SDAD1: variants seen among roughly 807,000 people sequenced by gnomAD.
SDAD1 encodes the protein SDA1 domain containing 1.
Under a neutral mutation model 100.3 loss-of-function variants are expected in SDAD1, and 79 were observed. That is an observed-to-expected ratio of 0.79 (90% CI 0.66 to 0.95). The LOEUF (loss-of-function observed/expected upper bound fraction) is 0.95. Among genes scored for constraint, SDAD1 ranks in the 40% least tolerant of loss-of-function variants. The probability of loss-of-function intolerance (pLI) is 0.00; values close to 1 mark genes in which losing one functional copy is unlikely to be tolerated. For missense variants in SDAD1, 790 were observed against 810.9 expected (o/e 0.97, Z 0.31); for synonymous variants, 267 against 271.4 (o/e 0.98, Z 0.16).
chr4:75,956,919 G>A (rs1255182005), intron 20 of SDAD1, among the ~76,000 whole-genome samples: 2 of 152,188 alleles, frequency 1.3e-5, no homozygotes, highest in Non-Finnish European at 2.9e-5. Context: ...AGACCAGCCT[G>A]GCCAACATGG....
chr4:75,970,325 C>G lies in SDAD1; in HGVS notation c.867G>C (p.Leu289Phe). The G allele has an allele frequency of 6.2e-7, 1 of 1,613,892 alleles. No homozygotes were observed. The highest frequency in any genetic ancestry group is 1.1e-5 in the South Asian group (1 of 91,074). The change falls in exon 10 of 22, where the codon TTG (leucine) becomes TTC (phenylalanine). Residue 289 changes from leucine to phenylalanine, a missense_variant. Leu to Phe is a conservative substitution (Grantham distance 22). Coordinates refer to ENST00000356260, the MANE Select transcript of SDAD1 (RefSeq NM_018115.4). ...PEVFNFSAIH[L>F]IHDPQDFAEK... ...ATAACGTACCTTGGGGATCATGAAT[C>G]AAGTGAATGGCTGAAAAGTTAAACA...
In SDAD1 at chr4:75,990,889, A is replaced by T. The variant is rs1731231283; in HGVS notation, c.-48T>A. On this transcript the variant is annotated 5_prime_UTR_variant, in exon 1 of 22. Transcript: ENST00000356260. ...GGCGAGCAGTTTTAAAAAAACTCAG[A>T]CGGCCGGCACCCCGCAATCCCTGCC... The T allele has an allele frequency of 6.2e-7, 1 of 1,611,304 alleles. No homozygotes were observed. The highest frequency in any genetic ancestry group is 8.5e-7 in the Non-Finnish European group (1 of 1,178,518).
intron 21 of SDAD1, 80 bp downstream of exon 21, chr4:75,955,895 G>T (rs141366713): frequency 2.0e-6 from 3 of 1,466,950 alleles, no homozygotes; most frequent in Non-Finnish European, 2.7e-6. Flanking sequence ...GTCTTCAGAA[G>T]GCGCAAGTCC....
chr4:75,963,158 C>T (rs1038152094), intron 14 of SDAD1, among the ~76,000 whole-genome samples: 2 of 152,038 alleles, frequency 1.3e-5, no homozygotes, highest in Non-Finnish European at 1.5e-5. Context: ...AATCCTTTCC[C>T]TATTTCTTGT....
intron 20 of SDAD1, among the ~76,000 whole-genome samples, chr4:75,957,002 T>C (rs1304790918): frequency 6.6e-6 from 1 of 152,028 alleles, no homozygotes; most frequent in Non-Finnish European, 1.5e-5. Context: ...CCCAGCTACT[T>C]AGGAGGCTGA....
At chr4:75,981,885 C>G (rs1269838204) in intron 2 of SDAD1, 48 bp downstream of exon 2, 2 of 1,248,764 alleles carry the variant, frequency 1.6e-6, no homozygotes, top group Non-Finnish European at 2.3e-6. Flanking sequence ...AAACATTCAG[C>G]AAACTGTGTG....
chr4:75,970,430 T>C (rs1181480700), intron 9 of SDAD1, 52 bp from the exon 10 acceptor site: 2 of 1,391,386 alleles, frequency 1.4e-6, no homozygotes, highest in African/African-American at 1.4e-5. Flanking sequence ...GATGATGCTC[T>C]TAGAACTTAA....
At chr4:75,962,522 A>C (rs1439300879) in intron 14 of SDAD1, among the ~76,000 whole-genome samples, 1 of 152,238 alleles carries the variant, frequency 6.6e-6, no homozygotes, top group Non-Finnish European at 1.5e-5. Flanking sequence ...TCAACAGTGT[A>C]AAAGTGTTCC....
intron 13 of SDAD1, among the ~76,000 whole-genome samples, chr4:75,964,711 A>G (rs1186185796): frequency 6.6e-6 from 1 of 152,240 alleles, no homozygotes; most frequent in African/African-American, 2.4e-5. Context: ...AAGCCATGGC[A>G]GAAGAACATA....
chr4:75,982,375 T>C (rs1035497756), intron 1 of SDAD1, among the ~76,000 whole-genome samples: 1 of 152,138 alleles, frequency 6.6e-6, no homozygotes, highest in African/African-American at 2.4e-5. Flanking sequence ...CTGCTGGGTG[T>C]AGTGGCTCAC....
rs1729804419 is a variant in SDAD1 at position 75,970,456 on chromosome 4, G to C, written c.814-78C>G. ...TAGAACTTAATGTGCTAATAAGGCT[G>C]TTATAAGTCCATTAGACTCTTTAAA... On this transcript the variant is annotated intron_variant, in intron 9 of 21. Coordinates refer to ENST00000356260, the MANE Select transcript of SDAD1 (RefSeq NM_018115.4). The C allele has an allele frequency of 3.7e-6, 4 of 1,078,248 alleles. No individual in the cohort carries two copies. The South Asian group carries it at 4.1e-5, about 11-fold the overall frequency. The allele number at this position is 1,078,248 out of a possible 1,614,324, so 66.8% of individuals were successfully genotyped here.
Position 75,977,726 on chromosome 4 carries a change from T to C in SDAD1, c.325A>G (p.Asn109Asp). Residue 109 changes from asparagine to aspartate, a missense_variant, in exon 4 of 22, where the codon AAT (asparagine) becomes GAT (aspartate). By Grantham distance (23) the Asn-to-Asp change is conservative. Coordinates refer to ENST00000356260, the MANE Select transcript of SDAD1 (RefSeq NM_018115.4). ...TFCKALILLR[N>D]KNLINPSSLL... ...CTTGATGGATTGATGAGATTCTTAT[T>C]TCTCAGCAAGATCAAAGCTTTGCAA... 2 of 1,612,802 alleles carry C rather than the reference T, an allele frequency of 1.2e-6. No homozygotes were observed. Among genetic ancestry groups the C allele is most frequent in the South Asian group, 1.1e-5 (1 of 90,676 alleles).
intron 8 of SDAD1, 131 bp downstream of exon 8, chr4:75,973,186 T>C (rs1729962464): frequency 3.0e-6 from 2 of 659,480 alleles, no homozygotes; most frequent in African/African-American, 1.8e-5. Context: ...TAAAATAGCA[T>C]GGCAGAATTC....
chr4:75,961,370 AG>A, intron 14 of SDAD1, 62 bp from the exon 15 acceptor site: 1 of 1,203,394 alleles, frequency 8.3e-7, no homozygotes, highest in East Asian at 2.3e-5. Context: ...GATTCAACAC[AG>A]GAAGACTTCC....
At chr4:75,990,287 CT>C (rs1431783401) in intron 1 of SDAD1, among the ~76,000 whole-genome samples, 6 of 111,824 alleles carry the variant, frequency 5.4e-5, no homozygotes, top group African/African-American at 1.0e-4. Context: ...CCCCCCCCCC[CT>C]TTCCTGGCAC....
intron 6 of SDAD1, among the ~76,000 whole-genome samples, chr4:75,975,350 T>C (rs1278670341): frequency 6.6e-6 from 1 of 152,220 alleles, no homozygotes; most frequent in Non-Finnish European, 1.5e-5. Context: ...TTGAAAATCT[T>C]CAGAGCGGCA....
intron 18 of SDAD1, 44 bp from the exon 19 acceptor site, chr4:75,957,752 G>C (rs1270979481): frequency 6.2e-7 from 1 of 1,612,830 alleles, no homozygotes; most frequent in Non-Finnish European, 8.5e-7. Context: ...GCTCAAGTGA[G>C]AGCTCAGCCA....
rs538090459 is a variant in SDAD1 at position 75,962,112 on chromosome 4, T to C, written c.1182-804A>G. ...CCCATCCTGTGTCCAAGTGTTCTCATTGTTCAATTCCCACCTGTGAGTGAG... is the reference window on the plus strand; with the variant it reads ...CCCATCCTGTGTCCAAGTGTTCTCACTGTTCAATTCCCACCTGTGAGTGAG... On this transcript the variant is annotated intron_variant, in intron 14 of 21. Coordinates refer to ENST00000356260, the MANE Select transcript of SDAD1 (RefSeq NM_018115.4). Among the ~76,000 whole-genome samples the C allele has an allele frequency of 8.5e-5, 13 of 152,294 alleles. No individual in the cohort carries two copies. The East Asian group carries it at 1.2e-3, about 14-fold the overall frequency.
chr4:75,964,085 T>C (rs1729399835), intron 14 of SDAD1, 50 bp downstream of exon 14: 1 of 1,193,444 alleles, frequency 8.4e-7, no homozygotes, highest in African/African-American at 1.5e-5. Flanking sequence ...TTATAGCAAA[T>C]CTAGTCCATT....
Sources: gnomAD v4.1 joint callset for allele counts (sites outside exome capture counted in the v4.1 genomes callset) on GRCh38, gnomAD v4.1.1 for gene constraint, MANE v1.5 for transcripts, NCBI Gene and HGNC (gene_info 2026-07-23, HGNC 2026-07-21) for gene names.